The following ACOT11 variants were observed in gnomAD, a reference collection of about 807,000 sequenced individuals.
ACOT11 encodes the protein acyl-coenzyme A thioesterase 11.
A neutral mutation model predicts 77.5 loss-of-function variants in ACOT11; 69 were observed. That is an observed-to-expected ratio of 0.89 (90% CI 0.73 to 1.09). ACOT11 has a LOEUF of 1.09. ACOT11 is among the 50% of genes least tolerant of loss of function. The pLI is 0.00. For missense variants in ACOT11, 766 were observed against 813.7 expected, an observed-to-expected ratio of 0.94 and a Z score of 0.71; for synonymous variants, 279 against 313.0, an observed-to-expected ratio of 0.89 and a Z score of 1.15.
intron 3 of ACOT11, among the ~76,000 whole-genome samples, chr1:54,587,031 CTCAT>C (rs1654525571): frequency 1.3e-5 from 2 of 152,224 alleles, no homozygotes; most frequent in South Asian, 2.1e-4. Context: ...CCTGTACTCA[CTCAT>C]TCAGTCATCA....
intron 1 of ACOT11, among the ~76,000 whole-genome samples, chr1:54,558,107 C>T (rs769167816): frequency 2.6e-5 from 4 of 152,210 alleles, no homozygotes; most frequent in Admixed American, 6.5e-5. Flanking sequence ...ATATACTTCA[C>T]TCGTTCCCTC....
intron 1 of ACOT11, among the ~76,000 whole-genome samples, chr1:54,571,748 G>A (rs1653935845): frequency 6.6e-6 from 1 of 152,240 alleles, no homozygotes; most frequent in South Asian, 2.1e-4. Flanking sequence ...GCAAGGGGAA[G>A]CTGGGTAAGG....
rs1482203687 is a variant in ACOT11, at chr1:54,602,630, G to A, written c.1030-39G>A. On this transcript the variant is annotated intron_variant, in intron 9 of 15. Transcript: ENST00000343744. The stretch of plus-strand genomic sequence containing the variant: ...GGATGGAGAGGGGGCAGGACGGAGG[G>A]TGGGGGTAGCTGGTTGCCTATCCCG... The A allele has an allele frequency of 3.4e-6, 5 of 1,484,160 alleles. No individual in the cohort carries two copies. The Admixed American group carries it at 1.3e-4, about 38-fold the overall frequency. The allele number at this position is 1,484,160 out of a possible 1,614,324, so 91.9% of individuals were successfully genotyped here. A position where few individuals can be genotyped will look rare whatever the true frequency, so the allele number is the denominator to read the frequency against.
chr1:54,562,549 A>G (rs75102660), intron 1 of ACOT11, among the ~76,000 whole-genome samples: 1 of 55,636 alleles, frequency 1.8e-5, no homozygotes, highest in Non-Finnish European at 3.7e-5. Context: ...GGGCTGACCC[A>G]CCCCCCACCT....
At chr1:54,623,177 A>G (rs139262063) in intron 15 of ACOT11, 12 of 189,552 alleles carry the variant, frequency 6.3e-5, no homozygotes, top group Middle Eastern at 2.2e-3. Flanking sequence ...AACTCCGTCT[A>G]AAAAAAAAAA....
chr1:54,549,938 G>A (rs749507857), intron 1 of ACOT11, among the ~76,000 whole-genome samples: 1 of 152,194 alleles, frequency 6.6e-6, no homozygotes, highest in Non-Finnish European at 1.5e-5. Flanking sequence ...CAAGGCACTG[G>A]GGAAGAGGCA....
At chr1:54,619,923 A>G in intron 15 of ACOT11, 2 of 1,614,164 alleles carry the variant, frequency 1.2e-6, no homozygotes, top group South Asian at 2.2e-5. Context: ...GGTGACCTCC[A>G]AGGCATCTCG....
At chr1:54,566,962 G>A (rs944272445) in intron 1 of ACOT11, among the ~76,000 whole-genome samples, 6 of 152,176 alleles carry the variant, frequency 3.9e-5, no homozygotes, top group African/African-American at 1.4e-4. Flanking sequence ...GATTCAAGAG[G>A]AGGAGGTTAG....
chr1:54,602,007 C>G (rs1040815280), intron 9 of ACOT11, among the ~76,000 whole-genome samples: 27 of 152,374 alleles, frequency 1.8e-4, no homozygotes, highest in Admixed American at 3.9e-4. Flanking sequence ...GGGGAGGTCC[C>G]CTGGCCTTCC....
In ACOT11 at chr1:54,607,077, C is replaced by A. The variant is rs543606472; in HGVS notation, c.1371-57C>A. Reference sequence around the variant, plus strand: ...GTGTGGCAGGGCCCGGGCAGACCCGCTGCTTGCATGGGAGCTGGAAGCTTC... The same window carrying A: ...GTGTGGCAGGGCCCGGGCAGACCCGATGCTTGCATGGGAGCTGGAAGCTTC... On this transcript the variant is annotated intron_variant, in intron 13 of 15. Coordinates refer to ENST00000343744, the MANE Select transcript of ACOT11 (RefSeq NM_147161.4). This position sits in a 1 kb window ranked among gnomAD's most constrained non-coding sequence, Gnocchi z 4.5. The A allele has an allele frequency of 1.9e-6, 3 of 1,608,726 alleles. No homozygotes were observed. The highest frequency in any genetic ancestry group is 2.5e-6 in the Non-Finnish European group (3 of 1,177,236).
At chr1:54,573,049 G>A (rs903793907) in intron 1 of ACOT11, 3 of 985,466 alleles carry the variant, frequency 3.0e-6, no homozygotes, top group African/African-American at 1.7e-5. Flanking sequence ...AAAGGGTACT[G>A]ACACCATCAC....
chr1:54,583,818 C>T (rs979671909), intron 1 of ACOT11, among the ~76,000 whole-genome samples: 4 of 152,194 alleles, frequency 2.6e-5, no homozygotes, highest in African/African-American at 9.7e-5. Context: ...AACCCATATG[C>T]CTGTCCCTCC....
At chr1:54,608,645 T>G (rs1644063859) in intron 15 of ACOT11, among the ~76,000 whole-genome samples, 3 of 152,262 alleles carry the variant, frequency 2.0e-5, no homozygotes, top group Non-Finnish European at 2.9e-5. Context: ...GATTCAGAGC[T>G]GGGCCCTGGA....
intron 1 of ACOT11, among the ~76,000 whole-genome samples, chr1:54,564,120 T>G (rs1016426630): frequency 6.6e-6 from 1 of 150,538 alleles, no homozygotes. Flanking sequence ...TAGTCTCAGC[T>G]ACTCAGCTAC....
chr1:54,561,739 C>A (rs1430702906), intron 1 of ACOT11, among the ~76,000 whole-genome samples: 13 of 124,182 alleles, frequency 1.0e-4, no homozygotes, highest in South Asian at 2.8e-4. Context: ...GGGGCTGACC[C>A]CCCCCACCTC....
downstream of ACOT11, chr1:54,614,750 G>A: frequency 6.2e-7 from 1 of 1,614,094 alleles, no homozygotes; most frequent in Non-Finnish European, 8.5e-7. Context: ...CCTTTAAGAT[G>A]TCAGCGTTGA....
intron 15 of ACOT11, among the ~76,000 whole-genome samples, chr1:54,622,239 G>C (rs1393409436): frequency 7.5e-6 from 1 of 132,552 alleles, no homozygotes; most frequent in Non-Finnish European, 1.5e-5. Context: ...TCATGTCACC[G>C]CACTCTAGGC....
At chr1:54,572,531 T>C (rs1181820287) in intron 1 of ACOT11, among the ~76,000 whole-genome samples, 1 of 151,728 alleles carries the variant, frequency 6.6e-6, no homozygotes, top group Non-Finnish European at 1.5e-5. Context: ...CCTGTGAACA[T>C]GGGTTCTGTA....
At chr1:54,613,513 C>G (rs190629438), downstream of ACOT11, among the ~76,000 whole-genome samples, 2 of 152,188 alleles carry the variant, frequency 1.3e-5, no homozygotes, top group East Asian at 3.9e-4. Flanking sequence ...GTCTCAAACT[C>G]CTGAGTTCAA....
Sources: gnomAD v4.1 joint callset for allele counts (sites outside exome capture counted in the v4.1 genomes callset) on GRCh38, gnomAD v4.1.1 for gene constraint, Gnocchi (gnomAD v3.1) non-coding constraint, MANE v1.5 for transcripts, NCBI Gene and HGNC (gene_info 2026-07-23, HGNC 2026-07-21) for gene names.